Variants in CLCN6 observed in about 807,000 individuals in gnomAD.
CLCN6 encodes the protein Cl-/H+ antiporter 6.
CLCN6 carries 70 observed loss-of-function variants against 109.8 expected under a neutral mutation model. The observed-to-expected ratio is 0.64, with a 90% confidence interval of 0.53 to 0.78. CLCN6 has a LOEUF of 0.78. Ranked by LOEUF, CLCN6 falls within the 30% of genes least tolerant of loss-of-function variation. CLCN6 has a pLI of 0.00. For missense variants in CLCN6, 984 were observed against 1,142.3 expected (o/e 0.86, Z 2.00); for synonymous variants, 444 against 447.8 (o/e 0.99, Z 0.11).
chr1:11,837,733 C>A (rs1018107925), intron 20 of CLCN6, among the ~76,000 whole-genome samples: 3 of 152,162 alleles, frequency 2.0e-5, no homozygotes, highest in Non-Finnish European at 4.4e-5. Flanking sequence ...GGGCAGCGCT[C>A]CCTGGCTCTG....
intron 12 of CLCN6, 94 bp downstream of exon 12, chr1:11,828,718 C>T: frequency 7.6e-7 from 1 of 1,310,734 alleles, no homozygotes; most frequent in South Asian, 1.4e-5. Context: ...ACCCTGCCTC[C>T]ACGGCTTTGA....
chr1:11,816,741 G>A (rs377349709), intron 4 of CLCN6, 61 bp downstream of exon 4: 275 of 1,263,982 alleles, frequency 2.2e-4, no homozygotes, highest in Non-Finnish European at 3.0e-4. Flanking sequence ...TACAGGGAAA[G>A]CCCTGGCCTG....
At chr1:11,809,119 A>G (rs1008944126) in intron 2 of CLCN6, among the ~76,000 whole-genome samples, 2 of 152,078 alleles carry the variant, frequency 1.3e-5, no homozygotes, top group African/African-American at 4.8e-5. Context: ...TCGGTCTCCC[A>G]GAGTGCTGGG....
intron 5 of CLCN6, among the ~76,000 whole-genome samples, chr1:11,822,007 T>G (rs1006638134): frequency 2.6e-5 from 4 of 152,236 alleles, no homozygotes; most frequent in African/African-American, 9.6e-5. Flanking sequence ...TACAACAGTG[T>G]GGACACTTTT....
At chr1:11,835,911 T>C in intron 17 of CLCN6, 56 bp from the exon 18 acceptor site, 1 of 1,540,640 alleles carries the variant, frequency 6.5e-7, no homozygotes, top group Non-Finnish European at 8.8e-7. Flanking sequence ...CACAGCTTGC[T>C]CCCAGGGGCC....
At position 11,841,820 on chromosome 1, in the gene CLCN6, T is replaced by G. The variant is rs948813515; in HGVS notation, c.*1597T>G. On this transcript the variant is annotated 3_prime_UTR_variant, in exon 23 of 23. Coordinates refer to ENST00000346436, the MANE Select transcript of CLCN6 (RefSeq NM_001286.5). ...TGCTTCAAGGTCTTTTCTAGCTGAT[T>G]GTGGCCCCTCCATTTTCCCCATTTT... 6.6e-6 allele frequency: 1 copy of G among 152,228 alleles called. No homozygotes were observed. Among genetic ancestry groups the G allele is most frequent in the Admixed American group, 6.5e-5 (1 of 15,284 alleles). The allele number at this position is 152,228 out of a possible 1,614,324, so 9.4% of individuals were successfully genotyped here. A position where few individuals can be genotyped will look rare whatever the true frequency, so the allele number is the denominator to read the frequency against.
Position 11,840,295 on chromosome 1 carries a change from T to C in CLCN6, c.*72T>C, listed in dbSNP as rs1570546370. 7.5e-6 allele frequency: 10 copies of C among 1,332,814 alleles called. No individual in the cohort carries two copies. The highest frequency in any genetic ancestry group is 3.6e-4 in the Middle Eastern group (2 of 5,522). 82.6% of individuals were successfully genotyped at this position (1,332,814 alleles called of 1,614,324 possible). A position where few individuals can be genotyped will look rare whatever the true frequency, so the allele number is the denominator to read the frequency against. On this transcript the variant is annotated 3_prime_UTR_variant, in exon 23 of 23. Transcript: ENST00000346436. ...GCTCACTCCGGCGGGCACAGCTGGC[T>C]GGGGCTGTTCCGGGGCATGGAAGAT...
At position 11,828,089 on chromosome 1, in the gene CLCN6, T is replaced by C. The variant is rs367685242; in HGVS notation, c.841-17T>C. On this transcript the variant is annotated splice_polypyrimidine_tract_variant and intron_variant, in intron 10 of 22. Transcript: ENST00000346436. ...GCCACTCCTGAACCTTCTTGTCTTT[T>C]GTCACCTCTCCCCTAGCTCTTTTGT... is the stretch of plus-strand genomic sequence containing the variant. 62 of 1,591,360 alleles carry C rather than the reference T, an allele frequency of 3.9e-5. No individual in the cohort carries two copies. The highest frequency in any genetic ancestry group is 8.3e-5 in the Admixed American group (5 of 59,976).
chr1:11,829,251 T>A lies in CLCN6; in HGVS notation c.1177T>A (p.Ser393Thr). ...LVTTVVVFVA[S>T]MVLGECRQMS... ...AACCACCGTGGTGGTGTTTGTGGCC[T>A]CGATGGTGTTAGGAGAATGCCGACA... is the stretch of plus-strand genomic sequence containing the variant. The change falls in exon 13 of 23, where the codon TCG becomes ACG. Residue 393 changes from serine (S) to threonine (T), a missense_variant. By Grantham distance (58) the Ser-to-Thr change is moderately conservative. Transcript: ENST00000346436. The A allele has an allele frequency of 6.2e-7, 1 of 1,614,150 alleles. No individual in the cohort carries two copies. Among genetic ancestry groups the A allele is most frequent in the Non-Finnish European group, 8.5e-7 (1 of 1,180,008 alleles).
Position 11,807,258 on chromosome 1 carries a change from T to G in CLCN6, c.147+68T>G, listed in dbSNP as rs144355693. ...GGCCTGGTCACTTCAGGCCGAAGCA[T>G]TATGATTCCAACCAGAGATGCTCTT... is the stretch of plus-strand genomic sequence containing the variant. On this transcript the variant is annotated intron_variant, in intron 2 of 22. Transcript: ENST00000346436. 4.8e-5 allele frequency: 66 copies of G among 1,383,664 alleles called. No homozygotes were observed. The African/African-American group carries it at 8.2e-4, about 17-fold the overall frequency. 85.7% of individuals were successfully genotyped at this position (1,383,664 alleles called of 1,614,324 possible).
chr1:11,816,614 G>T lies in CLCN6; in HGVS notation c.214-1G>T. The T allele has an allele frequency of 6.2e-7, 1 of 1,612,420 alleles. No individual in the cohort carries two copies. On this transcript the variant is annotated splice_acceptor_variant, in intron 3 of 22. Transcript: ENST00000346436. LOFTEE classifies it high-confidence loss of function. ...GAATCATTCTTTTCCTGTGTGAACA[G>T]AAAGGTCGAAGATATGAGGCGGTGA...
At chr1:11,839,417 A>G (rs1049413834) in intron 22 of CLCN6, among the ~76,000 whole-genome samples, 2 of 152,116 alleles carry the variant, frequency 1.3e-5, no homozygotes, top group Non-Finnish European at 2.9e-5. Flanking sequence ...ATGCGCCACT[A>G]TGCCCAGCTA....
chr1:11,841,517 C>G lies in CLCN6; in HGVS notation c.*1294C>G, dbSNP rs545852828. 6.6e-6 allele frequency: 1 copy of G among 152,392 alleles called. No individual in the cohort carries two copies. The highest frequency in any genetic ancestry group is 2.1e-4 in the South Asian group (1 of 4,828). 9.4% of individuals were successfully genotyped at this position (152,392 alleles called of 1,614,324 possible). ...ATTGGGCATTCATGCTTATCTTCCC[C>G]CACCTTCTACATGGTATTAGTCCCA... On this transcript the variant is annotated 3_prime_UTR_variant, in exon 23 of 23. Coordinates refer to ENST00000346436, the MANE Select transcript of CLCN6 (RefSeq NM_001286.5).
chr1:11,833,542 A>G lies in CLCN6; in HGVS notation c.1276A>G (p.Lys426Glu), dbSNP rs1644905501. The change falls in exon 14 of 23, where the codon AAG (lysine) becomes GAG (glutamate). Residue 426 changes from lysine (K) to glutamate (E), a missense_variant. Coordinates refer to ENST00000346436, the MANE Select transcript of CLCN6 (RefSeq NM_001286.5). Reference sequence around the variant, plus strand: ...CACAGAAGATGTGAATTCAAGTATCAAGACATTTTTTTGTCCCAATGATAC... The same window carrying G: ...CACAGAAGATGTGAATTCAAGTATCGAGACATTTTTTTGTCCCAATGATAC... Reference protein sequence around the residue: ...QVTEDVNSSIKTFFCPNDTYN... With the variant: ...QVTEDVNSSIETFFCPNDTYN... The G allele has an allele frequency of 6.2e-7, 1 of 1,614,024 alleles. No homozygotes were observed.
At chr1:11,808,371 G>A (rs114197600) in intron 2 of CLCN6, among the ~76,000 whole-genome samples, 1,633 of 152,004 alleles carry the variant, frequency 0.011, 28 homozygotes, top group African/African-American at 0.037. Flanking sequence ...TGGGATTACA[G>A]TCATGATCTA....
intron 2 of CLCN6, among the ~76,000 whole-genome samples, chr1:11,811,027 A>G (rs1217358240): frequency 6.6e-6 from 1 of 152,104 alleles, no homozygotes; most frequent in Non-Finnish European, 1.5e-5. Context: ...CCTGGGCAAC[A>G]TGGCGAGACT....
intron 8 of CLCN6, among the ~76,000 whole-genome samples, chr1:11,825,081 T>C (rs1644795197): frequency 2.0e-5 from 3 of 152,162 alleles, no homozygotes. Flanking sequence ...AACTGAGGCT[T>C]AGAGAGGTTG....
Position 11,841,276 on chromosome 1 carries a change from T to C in CLCN6, c.*1053T>C, listed in dbSNP as rs1645019310. On this transcript the variant is annotated 3_prime_UTR_variant, in exon 23 of 23. Transcript: ENST00000346436. The stretch of plus-strand genomic sequence containing the variant: ...TGTCTGCCCTTCACAAACACCTCTC[T>C]CTCCCCTGCACTAGCTGTCCCAAGC... 1 of 152,624 alleles carries C rather than the reference T, an allele frequency of 6.6e-6. No individual in the cohort carries two copies. Among genetic ancestry groups the C allele is most frequent in the Non-Finnish European group, 1.5e-5 (1 of 68,050 alleles). The allele number at this position is 152,624 out of a possible 1,614,324, so 9.5% of individuals were successfully genotyped here.
At position 11,826,144 on chromosome 1, in the gene CLCN6, C is replaced by T; in HGVS notation, c.649-12C>T. The T allele has an allele frequency of 6.2e-7, 1 of 1,607,038 alleles. No homozygotes were observed. Among genetic ancestry groups the T allele is most frequent in the Non-Finnish European group, 8.5e-7 (1 of 1,175,076 alleles). On this transcript the variant is annotated splice_polypyrimidine_tract_variant and intron_variant, in intron 8 of 22. Transcript: ENST00000346436. ...GTAGGCTCTTTAGTGGCTCTCTTTT[C>T]TCTTGCTTTAGTTTCAGAGCATCTC... is the stretch of plus-strand genomic sequence containing the variant.
Sources: gnomAD v4.1 joint callset for allele counts (sites outside exome capture counted in the v4.1 genomes callset) on GRCh38, gnomAD v4.1.1 for gene constraint, MANE v1.5 for transcripts, NCBI Gene and HGNC (gene_info 2026-07-23, HGNC 2026-07-21) for gene names.